ZDHHC21: variants seen among roughly 807,000 people sequenced by gnomAD.
ZDHHC21 encodes zDHHC palmitoyltransferase 21.
In ZDHHC21, 15 loss-of-function variants were observed where a neutral mutation model predicts 34.6. The ratio of observed to expected loss-of-function variants is 0.43; its 90% CI spans 0.29 to 0.67. The LOEUF (loss-of-function observed/expected upper bound fraction) is 0.67, where lower values mean the gene tolerates loss of function less well. Ranked by LOEUF, ZDHHC21 falls within the 30% of genes least tolerant of loss-of-function variation. The pLI, the probability that ZDHHC21 is intolerant of heterozygous loss-of-function variation, is 0.14. For missense variants in ZDHHC21, 344 were observed against 327.7 expected (o/e 1.05, Z -0.38); for synonymous variants, 142 against 101.8 (o/e 1.40, Z -2.38).
At chr9:14,622,754 G>T (rs1825524484) in intron 8 of ZDHHC21, 1 of 985,030 alleles carries the variant, frequency 1.0e-6, no homozygotes, top group African/African-American at 1.7e-5. Flanking sequence ...GAGTCTGGAA[G>T]TAAGAGCCAT....
At chr9:14,671,341 G>C (rs1267340115) in intron 5 of ZDHHC21, among the ~76,000 whole-genome samples, 1 of 151,988 alleles carries the variant, frequency 6.6e-6, no homozygotes, top group African/African-American at 2.4e-5. Flanking sequence ...AAATCACTAT[G>C]TAATGCTTTG....
chr9:14,628,261 ATAATCTACTCTTGCTAGGTC>A (rs1826663336), intron 8 of ZDHHC21, among the ~76,000 whole-genome samples: 1 of 152,168 alleles, frequency 6.6e-6, no homozygotes, highest in Non-Finnish European at 1.5e-5. Context: ...TGGGTCACAG[ATAATCTACTCTTGCTAGGTC>A]TAAAATGACA....
At chr9:14,659,915 T>C (rs1833032385) in intron 6 of ZDHHC21, among the ~76,000 whole-genome samples, 2 of 152,202 alleles carry the variant, frequency 1.3e-5, no homozygotes, top group South Asian at 2.1e-4. Context: ...CAGCTGCCGA[T>C]TGAAAGATGA....
chr9:14,679,788 A>G (rs1411230267), intron 3 of ZDHHC21, among the ~76,000 whole-genome samples: 2 of 152,192 alleles, frequency 1.3e-5, no homozygotes, highest in Non-Finnish European at 2.9e-5. Flanking sequence ...GTAAAGCCAT[A>G]TAAGACTTAC....
At chr9:14,627,002 A>C (rs1406408241) in intron 8 of ZDHHC21, among the ~76,000 whole-genome samples, 1 of 152,082 alleles carries the variant, frequency 6.6e-6, no homozygotes, top group Non-Finnish European at 1.5e-5. Context: ...TGGGGTCAGC[A>C]TAATTAGCAA....
chr9:14,631,006 C>T (rs1827247680), intron 8 of ZDHHC21, among the ~76,000 whole-genome samples: 1 of 152,212 alleles, frequency 6.6e-6, no homozygotes, highest in Admixed American at 6.5e-5. Context: ...CTTCAACTTA[C>T]AGTCACCAGC....
At position 14,614,468 on chromosome 9, in the gene ZDHHC21, A is replaced by C. The variant is rs183929565; in HGVS notation, c.*4498T>G. 1.3e-5 allele frequency: 2 copies of C among 151,772 alleles called. No homozygotes were observed. Among genetic ancestry groups the C allele is most frequent in the African/African-American group, 4.8e-5 (2 of 41,416 alleles). 9.4% of individuals were successfully genotyped at this position (151,772 alleles called of 1,614,324 possible). A position where few individuals can be genotyped will look rare whatever the true frequency, so the allele number is the denominator to read the frequency against. ...GAAGTTAAACCATCATCATCTCAAA[A>C]GGAGCAGAAATGCTAAATACTGATT... On this transcript the variant is annotated 3_prime_UTR_variant, in exon 10 of 10. Transcript: ENST00000380916.
At chr9:14,664,802 G>A (rs1230976505) in intron 5 of ZDHHC21, among the ~76,000 whole-genome samples, 1 of 150,640 alleles carries the variant, frequency 6.6e-6, no homozygotes, top group Non-Finnish European at 1.5e-5. Flanking sequence ...CTGTTAGAAG[G>A]AAAACTAACA....
intron 6 of ZDHHC21, among the ~76,000 whole-genome samples, chr9:14,660,398 T>C (rs537889270): frequency 1.1e-5 from 1 of 93,634 alleles, no homozygotes. Context: ...AAAAAAAGAA[T>C]GATCAGAGCC....
In ZDHHC21 at chr9:14,625,416, T is replaced by A. The variant is rs561436027; in HGVS notation, c.622-5734A>T. ...GTGAGAAGGCAACAGATCTTATATT[T>A]ATAGACACTGAAAATCTCTTTCCAA... On this transcript the variant is annotated intron_variant, in intron 8 of 9. Coordinates refer to ENST00000380916, the MANE Select transcript of ZDHHC21 (RefSeq NM_178566.6). Among the ~76,000 whole-genome samples, 188 of 152,126 alleles carry A rather than the reference T, an allele frequency of 1.2e-3. 1 individual carries two copies. The highest frequency in any genetic ancestry group is 4.4e-3 in the African/African-American group (182 of 41,556).
chr9:14,676,823 G>T (rs1052471711), intron 3 of ZDHHC21, among the ~76,000 whole-genome samples: 2 of 151,924 alleles, frequency 1.3e-5, no homozygotes, highest in African/African-American at 4.8e-5. Flanking sequence ...TAATTTTTTA[G>T]TCTTGCCAAT....
At chr9:14,609,344 T>G (rs998257682), downstream of ZDHHC21, among the ~76,000 whole-genome samples, 13 of 152,094 alleles carry the variant, frequency 8.5e-5, no homozygotes, top group African/African-American at 3.1e-4. Context: ...AACTAGCCAC[T>G]TTCTTTCATG....
intron 7 of ZDHHC21, among the ~76,000 whole-genome samples, chr9:14,657,322 G>C (rs1034339446): frequency 2.0e-5 from 3 of 151,986 alleles, no homozygotes; most frequent in Admixed American, 1.3e-4. Context: ...TTATATACCA[G>C]CTAAGTTTAC....
At chr9:14,642,709 A>G (rs995874833) in intron 7 of ZDHHC21, among the ~76,000 whole-genome samples, 1 of 152,232 alleles carries the variant, frequency 6.6e-6, no homozygotes, top group African/African-American at 2.4e-5. Context: ...AGACAGAGGC[A>G]TCAGGAGAAA....
chr9:14,634,660 C>T (rs898861929), intron 8 of ZDHHC21, among the ~76,000 whole-genome samples: 17 of 152,090 alleles, frequency 1.1e-4, no homozygotes, highest in African/African-American at 3.1e-4. Context: ...CCAAAGGGCC[C>T]CAACCAGCCA....
chr9:14,652,669 T>C (rs892613848), intron 7 of ZDHHC21, among the ~76,000 whole-genome samples: 2 of 151,908 alleles, frequency 1.3e-5, no homozygotes, highest in South Asian at 2.1e-4. Context: ...AATCTGTTCA[T>C]TTCCCAGAAT....
rs1829766455 is a variant in ZDHHC21 at position 14,643,519 on chromosome 9, T to A, written c.505-3507A>T. On this transcript the variant is annotated intron_variant, in intron 7 of 9. Transcript: ENST00000380916. The stretch of plus-strand genomic sequence containing the variant: ...CCTTTTTATAAACTAAAGTCTTAAT[T>A]TTACGTAGTCCAATGTATCAATCTT... 2.0e-5 allele frequency among the ~76,000 whole-genome samples: 3 copies of A among 152,214 alleles called. No individual in the cohort carries two copies. The South Asian group carries it at 6.2e-4, about 32-fold the overall frequency.
chr9:14,669,749 CAAG>C (rs1835119622), intron 5 of ZDHHC21, among the ~76,000 whole-genome samples: 1 of 148,736 alleles, frequency 6.7e-6, no homozygotes, highest in African/African-American at 2.5e-5. Context: ...TAAACTATCG[CAAG>C]AACAAAAAAC....
the ZDHHC21 span, among the ~76,000 whole-genome samples, chr9:14,604,929 A>G: frequency 0.99 from 150,597 of 152,280 alleles, 74,474 homozygotes; most frequent in East Asian, 1. Context: ...GTTTGACTAC[A>G]TTAGATACTT....
Sources: gnomAD v4.1 joint callset for allele counts (sites outside exome capture counted in the v4.1 genomes callset) on GRCh38, gnomAD v4.1.1 for gene constraint, MANE v1.5 for transcripts, NCBI Gene and HGNC (gene_info 2026-07-23, HGNC 2026-07-21) for gene names.